The following TPCN1 variants were observed in gnomAD, a reference collection of about 807,000 sequenced individuals.
The protein encoded by TPCN1 is two pore segment channel 1.
In TPCN1, 52 loss-of-function variants were observed where a neutral mutation model predicts 108.8. The ratio of observed to expected loss-of-function variants is 0.48; its 90% CI spans 0.38 to 0.60. The LOEUF (loss-of-function observed/expected upper bound fraction) is 0.60. Among genes scored for constraint, TPCN1 ranks in the 20% least tolerant of loss-of-function variants. The pLI, the probability that TPCN1 is intolerant of heterozygous loss-of-function variation, is 0.00. For synonymous variants in TPCN1, 446 were observed against 433.7 expected (o/e 1.03, Z -0.35); for missense variants, 806 against 1,072.8 (o/e 0.75, Z 3.47).
intron 2 of TPCN1, among the ~76,000 whole-genome samples, chr12:113,235,093 TG>T (rs1953834516): frequency 6.6e-6 from 1 of 152,202 alleles, no homozygotes; most frequent in Non-Finnish European, 1.5e-5. Context: ...TGGCTTCCAG[TG>T]GGAATCAGAA....
chr12:113,276,768 C>T (rs1051261452), intron 10 of TPCN1, 151 bp from the exon 11 acceptor site: 1 of 643,984 alleles, frequency 1.6e-6, no homozygotes, highest in Non-Finnish European at 2.8e-6. Context: ...TGACTTCCTA[C>T]CCCATGAGGT....
chr12:113,276,886 C>T (rs375430814), intron 10 of TPCN1, 33 bp from the exon 11 acceptor site: 651 of 1,496,418 alleles, frequency 4.4e-4, no homozygotes, highest in Non-Finnish European at 5.7e-4. Flanking sequence ...CACTCAAGGT[C>T]CTGAGCTAGG....
At chr12:113,224,782 G>T (rs1378590864) in intron 1 of TPCN1, among the ~76,000 whole-genome samples, 1 of 149,950 alleles carries the variant, frequency 6.7e-6, no homozygotes, top group African/African-American at 2.5e-5. Flanking sequence ...GGTGGAATCT[G>T]GCTCTGTCGC....
intron 14 of TPCN1, 31 bp downstream of exon 14, chr12:113,278,866 C>T (rs1955764558): frequency 1.2e-6 from 2 of 1,607,204 alleles, no homozygotes; most frequent in Non-Finnish European, 1.7e-6. Context: ...CAGGTGTTGG[C>T]AGCTGGGGGC....
At chr12:113,285,116 G>A (rs976674587) in intron 17 of TPCN1, among the ~76,000 whole-genome samples, 1 of 152,214 alleles carries the variant, frequency 6.6e-6, no homozygotes, top group African/African-American at 2.4e-5. Flanking sequence ...TCCTCTGCCT[G>A]GTGGTGTCTT....
chr12:113,238,072 T>C (rs1301151296), intron 2 of TPCN1, among the ~76,000 whole-genome samples: 1 of 152,206 alleles, frequency 6.6e-6, no homozygotes, highest in Non-Finnish European at 1.5e-5. Flanking sequence ...TCTGTTCAGA[T>C]GGCAGCCTAC....
chr12:113,250,884 T>G (rs1051973185), intron 2 of TPCN1, among the ~76,000 whole-genome samples: 4 of 151,916 alleles, frequency 2.6e-5, no homozygotes, highest in Non-Finnish European at 4.4e-5. Context: ...AAGAATTGCT[T>G]GAACCTGAGA....
chr12:113,279,317 ATG>A (rs139888878), intron 14 of TPCN1, among the ~76,000 whole-genome samples: 8,150 of 108,840 alleles, frequency 0.075, 361 homozygotes, highest in African/African-American at 0.11. Context: ...GTATATATAT[ATG>A]TGTGTGTGTG....
chr12:113,254,540 A>G (rs1041880912), intron 2 of TPCN1, among the ~76,000 whole-genome samples: 6 of 152,232 alleles, frequency 3.9e-5, no homozygotes, highest in Admixed American at 2.0e-4. Context: ...GTAATTCACT[A>G]TATTAACCAA....
intron 2 of TPCN1, among the ~76,000 whole-genome samples, chr12:113,228,753 G>A (rs1464113452): frequency 6.6e-6 from 1 of 152,214 alleles, no homozygotes; most frequent in Non-Finnish European, 1.5e-5. Context: ...AGGTCACACA[G>A]CTAGTAAGCA....
rs777670688 is a variant in TPCN1 at position 113,273,779 on chromosome 12, C to A, written c.942+111C>A. ...CTGTCTTCTGCCTCTCAGGGCAGAACGTTGGGGCAGGAAGTCCCAGATTCA... is the reference window on the plus strand; with the variant it reads ...CTGTCTTCTGCCTCTCAGGGCAGAAAGTTGGGGCAGGAAGTCCCAGATTCA... On this transcript the variant is annotated intron_variant, in intron 10 of 27. Coordinates refer to ENST00000335509, the MANE Select transcript of TPCN1 (RefSeq NM_017901.6). The surrounding 1 kb of genome is among the most constrained non-coding windows in gnomAD (Gnocchi z 4.0). 1.5e-4 allele frequency: 135 copies of A among 914,814 alleles called. No individual in the cohort carries two copies. Among genetic ancestry groups the A allele is most frequent in the Non-Finnish European group, 2.2e-4 (123 of 555,604 alleles). 56.7% of individuals were successfully genotyped at this position (914,814 alleles called of 1,614,324 possible). A position where few individuals can be genotyped will look rare whatever the true frequency, so the allele number is the denominator to read the frequency against.
intron 19 of TPCN1, chr12:113,287,466 T>C (rs1956120260): frequency 4.8e-6 from 1 of 206,306 alleles, no homozygotes; most frequent in Non-Finnish European, 9.7e-6. Flanking sequence ...TGGCTCAGCG[T>C]CTTATGGAGA....
Position 113,266,321 on chromosome 12 carries a change from GC to G in TPCN1, c.384del (p.Ala129ProfsTer20). On this transcript the variant is annotated frameshift_variant, in exon 4 of 28. Coordinates refer to ENST00000335509, the MANE Select transcript of TPCN1 (RefSeq NM_017901.6). LOFTEE classifies it high-confidence loss of function. This position sits in a 1 kb window ranked among gnomAD's most constrained non-coding sequence, Gnocchi z 4.2. ...GCTGCTGCTGCTCTCCCTGTGCGAG[GC>G]CCCCGCCGTCCCCGCACTCCGGCTT... ...LLLLLLSLCE[A>X]PAVPALRLGI... 6.2e-7 allele frequency: 1 copy of G among 1,610,816 alleles called. No individual in the cohort carries two copies.
Position 113,268,308 on chromosome 12 carries a change from C to T in TPCN1, c.528+352C>T, listed in dbSNP as rs1431444231. Among the ~76,000 whole-genome samples the T allele has an allele frequency of 6.6e-6, 1 of 152,220 alleles. No individual in the cohort carries two copies. Among genetic ancestry groups the T allele is most frequent in the Non-Finnish European group, 1.5e-5 (1 of 68,050 alleles). ...CTGTCCCTAGTGTTGCGCATATTCT[C>T]TCTGTGCCACAGAGAGTGGCATGAG... is the stretch of plus-strand genomic sequence containing the variant. On this transcript the variant is annotated intron_variant, in intron 5 of 27. Coordinates refer to ENST00000335509, the MANE Select transcript of TPCN1 (RefSeq NM_017901.6). This position sits in a 1 kb window ranked among gnomAD's most constrained non-coding sequence, Gnocchi z 7.3.
At position 113,273,198 on chromosome 12, in the gene TPCN1, G is replaced by A. The variant is rs112480087; in HGVS notation, c.784-34G>A. ...TCCTGATGGCCGTGTGCTCTTGGCT[G>A]GTCCCGACTTCTCTGCCCTCTCTTC... is the stretch of plus-strand genomic sequence containing the variant. On this transcript the variant is annotated intron_variant, in intron 8 of 27. Coordinates refer to ENST00000335509, the MANE Select transcript of TPCN1 (RefSeq NM_017901.6). This position sits in a 1 kb window ranked among gnomAD's most constrained non-coding sequence, Gnocchi z 4.0. 4.1e-3 allele frequency: 6,575 copies of A among 1,608,414 alleles called. 19 individuals are homozygous for A. The highest frequency in any genetic ancestry group is 4.9e-3 in the Non-Finnish European group (5,804 of 1,174,784).
Position 113,290,993 on chromosome 12 carries a change from A to G in TPCN1, c.1954A>G (p.Ile652Val). 1 of 1,613,758 alleles carries G rather than the reference A, an allele frequency of 6.2e-7. No individual in the cohort carries two copies. Among genetic ancestry groups the G allele is most frequent in the South Asian group, 1.1e-5 (1 of 91,080 alleles). The part of the protein sequence containing the change: ...ELTVVNNWYI[I>V]MEGVTSQTSH... Reference sequence around the variant, plus strand: ...CACAGTTGTCAACAACTGGTACATCATCATGGTAAGAGCTCGGGCAGCTCT... The same window carrying G: ...CACAGTTGTCAACAACTGGTACATCGTCATGGTAAGAGCTCGGGCAGCTCT... Residue 652 changes from isoleucine (I) to valine (V), a missense_variant, in exon 23 of 28, where the codon ATC (isoleucine) becomes GTC (valine). By Grantham distance (29) the Ile-to-Val change is conservative. Transcript: ENST00000335509.
In TPCN1 at chr12:113,288,047, G is replaced by A. The variant is rs1170982531; in HGVS notation, c.1635-116G>A. ...CAAGGGAGTGGACGCAGGTGGAGGA[G>A]AGGCCCTCACCTGTCTTCACCGCAT... On this transcript the variant is annotated intron_variant, in intron 19 of 27. Transcript: ENST00000335509. This position sits in a 1 kb window ranked among gnomAD's most constrained non-coding sequence, Gnocchi z 4.8. 4 of 992,782 alleles carry A rather than the reference G, an allele frequency of 4.0e-6. No homozygotes were observed. The highest frequency in any genetic ancestry group is 6.0e-6 in the Non-Finnish European group (4 of 661,684). 61.5% of individuals were successfully genotyped at this position (992,782 alleles called of 1,614,324 possible).
rs777670688 is a variant in TPCN1, at chr12:113,273,779, C to G, written c.942+111C>G. On this transcript the variant is annotated intron_variant, in intron 10 of 27. Coordinates refer to ENST00000335509, the MANE Select transcript of TPCN1 (RefSeq NM_017901.6). This position sits in a 1 kb window ranked among gnomAD's most constrained non-coding sequence, Gnocchi z 4.0. ...CTGTCTTCTGCCTCTCAGGGCAGAA[C>G]GTTGGGGCAGGAAGTCCCAGATTCA... 2.2e-6 allele frequency: 2 copies of G among 914,934 alleles called. No individual in the cohort carries two copies. Among genetic ancestry groups the G allele is most frequent in the East Asian group, 2.4e-5 (1 of 41,506 alleles). The allele number at this position is 914,934 out of a possible 1,614,324, so 56.7% of individuals were successfully genotyped here.
Position 113,269,982 on chromosome 12 carries a change from G to A in TPCN1, c.748+137G>A. ...GAGGCCAAGGTGGGTGGGTAACCTA[G>A]GTCAGGAGTTTGAGGCCAGCCTGGT... On this transcript the variant is annotated intron_variant, in intron 7 of 27. Transcript: ENST00000335509. The surrounding 1 kb of genome is among the most constrained non-coding windows in gnomAD (Gnocchi z 5.0). The A allele has an allele frequency of 1.2e-6, 1 of 859,158 alleles. No individual in the cohort carries two copies. Among genetic ancestry groups the A allele is most frequent in the Non-Finnish European group, 1.8e-6 (1 of 544,264 alleles). The allele number at this position is 859,158 out of a possible 1,614,324, so 53.2% of individuals were successfully genotyped here. A position where few individuals can be genotyped will look rare whatever the true frequency, so the allele number is the denominator to read the frequency against.
Sources: allele counts gnomAD v4.1 joint callset (sites outside exome capture counted in the v4.1 genomes callset), GRCh38; gene constraint gnomAD v4.1.1; non-coding constraint Gnocchi (gnomAD v3.1); transcripts MANE v1.5; gene names NCBI Gene and HGNC (gene_info 2026-07-23, HGNC 2026-07-21).